GGNBP2: variants seen among roughly 807,000 people sequenced by gnomAD.
GGNBP2 encodes the protein gametogenetin binding protein 2.
GGNBP2 carries 10 observed loss-of-function variants against 85.9 expected under a neutral mutation model. The ratio of observed to expected loss-of-function variants is 0.12; its 90% CI spans 0.07 to 0.20. GGNBP2 has a LOEUF of 0.20. Among genes scored for constraint, GGNBP2 ranks in the 10% least tolerant of loss-of-function variants. GGNBP2 has a pLI of 1.00. For missense variants in GGNBP2, 595 were observed against 857.8 expected (o/e 0.69, Z 3.83); for synonymous variants, 287 against 285.7 (o/e 1.00, Z -0.05).
intron 2 of GGNBP2, 103 bp from the exon 3 acceptor site, chr17:36,554,717 G>A (rs1057297954): frequency 1.3e-6 from 1 of 788,502 alleles, no homozygotes; most frequent in Non-Finnish European, 2.3e-6. Context: ...GGCTAGGGAT[G>A]GGTGCAAATC....
Position 36,545,655 on chromosome 17 carries a change from A to G in GGNBP2, c.-70A>G. The G allele has an allele frequency of 7.9e-7, 1 of 1,261,838 alleles. No homozygotes were observed. The highest frequency in any genetic ancestry group is 2.5e-5 in the East Asian group (1 of 39,224). 78.2% of individuals were successfully genotyped at this position (1,261,838 alleles called of 1,614,324 possible). A position where few individuals can be genotyped will look rare whatever the true frequency, so the allele number is the denominator to read the frequency against. The stretch of plus-strand genomic sequence containing the variant: ...GAGGAGGCGGCAGCGGCGGCGGCAG[A>G]AACAGCAGCGGCGGCGGCGGCGGCA... On this transcript the variant is annotated 5_prime_UTR_variant, in exon 2 of 14. Coordinates refer to ENST00000613102, the MANE Select transcript of GGNBP2 (RefSeq NM_024835.5).
At chr17:36,563,565 A>G (rs1323651099) in intron 5 of GGNBP2, among the ~76,000 whole-genome samples, 3 of 149,616 alleles carry the variant, frequency 2.0e-5, no homozygotes, top group Non-Finnish European at 3.0e-5. Context: ...TACCCAGTTC[A>G]TACTTAGATT....
At chr17:36,546,241 T>C (rs2074253765) in intron 2 of GGNBP2, 1 of 322,688 alleles carries the variant, frequency 3.1e-6, no homozygotes, top group African/African-American at 2.1e-5. Context: ...TCTGTTTTAA[T>C]ACTGGTAGCT....
Position 36,587,262 on chromosome 17 carries a change from G to A in GGNBP2, c.1890+17G>A. Reference sequence around the variant, plus strand: ...GAACTCCTTGTAAGTATTCCATGTGGTCTTACTGTACATAACTGTTTGGGA... The same window carrying A: ...GAACTCCTTGTAAGTATTCCATGTGATCTTACTGTACATAACTGTTTGGGA... On this transcript the variant is annotated intron_variant, in intron 13 of 13. Transcript: ENST00000613102. 1 of 1,613,498 alleles carries A rather than the reference G, an allele frequency of 6.2e-7. No individual in the cohort carries two copies. The highest frequency in any genetic ancestry group is 8.5e-7 in the Non-Finnish European group (1 of 1,179,458).
intron 6 of GGNBP2, among the ~76,000 whole-genome samples, chr17:36,572,635 A>G (rs1301541231): frequency 1.3e-5 from 2 of 152,164 alleles, no homozygotes; most frequent in African/African-American, 4.8e-5. Flanking sequence ...TTGAGGCTAC[A>G]GTGAGACAAG....
chr17:36,563,589 G>A (rs1197606898), intron 5 of GGNBP2, among the ~76,000 whole-genome samples: 3 of 129,664 alleles, frequency 2.3e-5, no homozygotes, highest in Non-Finnish European at 5.0e-5. Flanking sequence ...CCTGTTTCTG[G>A]TTTTTTTTTT....
chr17:36,568,904 T>C (rs2074495270), intron 6 of GGNBP2, among the ~76,000 whole-genome samples: 1 of 151,944 alleles, frequency 6.6e-6, no homozygotes. Flanking sequence ...TACAGGCACA[T>C]ACCACTGTGC....
At chr17:36,561,638 T>C (rs1368762978) in intron 5 of GGNBP2, among the ~76,000 whole-genome samples, 1 of 152,116 alleles carries the variant, frequency 6.6e-6, no homozygotes, top group Non-Finnish European at 1.5e-5. Context: ...TTATTATTAT[T>C]TTTTGAGATG....
intron 5 of GGNBP2, among the ~76,000 whole-genome samples, chr17:36,564,082 A>C (rs2074446478): frequency 6.6e-6 from 1 of 151,964 alleles, no homozygotes. Context: ...TTTATTTTTT[A>C]TTTTTTCATC....
intron 3 of GGNBP2, 74 bp downstream of exon 3, chr17:36,554,974 T>A: frequency 1.1e-6 from 1 of 884,284 alleles, no homozygotes; most frequent in Non-Finnish European, 1.9e-6. Flanking sequence ...TTAGCTGTAT[T>A]AATTTTATAT....
chr17:36,550,304 A>G (rs2074296623), intron 2 of GGNBP2, among the ~76,000 whole-genome samples: 1 of 150,528 alleles, frequency 6.6e-6, no homozygotes, highest in Non-Finnish European at 1.5e-5. Flanking sequence ...GACTACTCTG[A>G]TAAGAGTTTG....
chr17:36,587,315 T>C (rs750640520), intron 13 of GGNBP2, 70 bp downstream of exon 13: 2 of 1,508,990 alleles, frequency 1.3e-6, no homozygotes, highest in African/African-American at 1.4e-5. Flanking sequence ...GGGGATAGTA[T>C]TTGAGGGCTT....
intron 7 of GGNBP2, 135 bp from the exon 8 acceptor site, chr17:36,579,110 T>C (rs753790158): frequency 5.0e-5 from 34 of 680,526 alleles, no homozygotes; most frequent in Non-Finnish European, 7.9e-5. Flanking sequence ...TAGCAACATA[T>C]ACGTTGAGTG....
chr17:36,569,663 C>A (rs1354526117), intron 6 of GGNBP2, among the ~76,000 whole-genome samples: 1 of 152,146 alleles, frequency 6.6e-6, no homozygotes, highest in Non-Finnish European at 1.5e-5. Flanking sequence ...CAATTAAAAA[C>A]TTTCTTTCTT....
At chr17:36,554,550 A>T (rs1337295048) in intron 2 of GGNBP2, among the ~76,000 whole-genome samples, 1 of 151,702 alleles carries the variant, frequency 6.6e-6, no homozygotes, top group Admixed American at 6.6e-5. Flanking sequence ...TGTATTTAGT[A>T]GAGATGGGGT....
chr17:36,555,956 T>C (rs775779188), intron 3 of GGNBP2, among the ~76,000 whole-genome samples: 3 of 152,238 alleles, frequency 2.0e-5, no homozygotes, highest in Non-Finnish European at 4.4e-5. Context: ...ATTAAGATAT[T>C]GGAAGATGAC....
At chr17:36,588,980 A>G (rs2074731363) in intron 13 of GGNBP2, among the ~76,000 whole-genome samples, 1 of 152,184 alleles carries the variant, frequency 6.6e-6, no homozygotes, top group Non-Finnish European at 1.5e-5. Flanking sequence ...ATAGGCTTCT[A>G]GGAGAAATTA....
intron 13 of GGNBP2, chr17:36,587,517 C>T (rs952968422): frequency 2.6e-6 from 1 of 387,172 alleles, no homozygotes; most frequent in African/African-American, 2.0e-5. Flanking sequence ...TCCAATAAAC[C>T]CATTATAACT....
At position 36,585,940 on chromosome 17, in the gene GGNBP2, A is replaced by G. The variant is rs1451167875; in HGVS notation, c.1467A>G (p.Glu489=). 5 of 1,614,196 alleles carry G rather than the reference A, an allele frequency of 3.1e-6. No individual in the cohort carries two copies. In the South Asian group the frequency reaches 4.4e-5, roughly 14 times the overall value. Residue 489 remains glutamate (E), a synonymous_variant, in exon 11 of 14, where the codon GAA becomes GAG. Transcript: ENST00000613102. ...SREGSDVACT[E]GICNHDEHGD... is the part of the protein sequence containing the mutation. Reference sequence around the variant, plus strand: ...AGGGTTCGGATGTTGCCTGCACTGAAGGCATTTGTAATCATGATGAACACG... The same window carrying G: ...AGGGTTCGGATGTTGCCTGCACTGAGGGCATTTGTAATCATGATGAACACG...
Sources: gnomAD v4.1 joint callset for allele counts (sites outside exome capture counted in the v4.1 genomes callset) on GRCh38, gnomAD v4.1.1 for gene constraint, MANE v1.5 for transcripts, NCBI Gene and HGNC (gene_info 2026-07-23, HGNC 2026-07-21) for gene names.